Variants in TUBE1 observed in about 807,000 individuals in gnomAD.
The protein encoded by TUBE1 is tubulin epsilon 1.
In TUBE1, 34 loss-of-function variants were observed where a neutral mutation model predicts 53.5. That is an observed-to-expected ratio of 0.64 (90% CI 0.48 to 0.85). The LOEUF (loss-of-function observed/expected upper bound fraction) is 0.85. Ranked by LOEUF, TUBE1 falls within the 40% of genes least tolerant of loss-of-function variation. The pLI is 0.00. For missense variants in TUBE1, 532 were observed against 570.5 expected (o/e 0.93, Z 0.69); for synonymous variants, 177 against 198.4 (o/e 0.89, Z 0.91).
intron 5 of TUBE1, among the ~76,000 whole-genome samples, chr6:112,080,621 A>G (rs373149210): frequency 1.1e-3 from 173 of 152,222 alleles, no homozygotes; most frequent in African/African-American, 3.9e-3. Context: ...TGAATTCTTA[A>G]GTAATCACTG....
At chr6:112,084,072 T>A in intron 4 of TUBE1, 117 bp downstream of exon 4, 1 of 757,612 alleles carries the variant, frequency 1.3e-6, no homozygotes, top group Non-Finnish European at 2.2e-6. Flanking sequence ...ATATTAAATG[T>A]GGCTTAGTAA....
chr6:112,079,243 G>A (rs142385003), intron 6 of TUBE1, among the ~76,000 whole-genome samples: 1 of 151,464 alleles, frequency 6.6e-6, no homozygotes, highest in Non-Finnish European at 1.5e-5. Flanking sequence ...TCATGAGCAC[G>A]TCAAAAATGC....
At position 112,074,766 on chromosome 6, in the gene TUBE1, G is replaced by T; in HGVS notation, c.897C>A (p.Leu299=). ...TATACAGAGGTGTTAGGCTTGACAC[G>T]AGATAATGAAGTTGAGGAAAAGGAA... ...NLVPFPQLHY[L]VSSLTPLYTL... is the part of the protein sequence containing the mutation. The change falls in exon 9 of 12, where the codon CTC becomes CTA. Residue 299 remains leucine (L), a synonymous_variant. Coordinates refer to ENST00000368662, the MANE Select transcript of TUBE1 (RefSeq NM_016262.5). 6.2e-7 allele frequency: 1 copy of T among 1,608,036 alleles called. No homozygotes were observed. The highest frequency in any genetic ancestry group is 8.5e-7 in the Non-Finnish European group (1 of 1,177,256).
At chr6:112,077,100 A>G (rs1239709642) in intron 6 of TUBE1, 1 of 152,202 alleles carries the variant, frequency 6.6e-6, no homozygotes, top group Non-Finnish European at 1.5e-5. Flanking sequence ...AAAAAATTCA[A>G]CTAAGACGGT....
At chr6:112,078,698 A>G (rs1396518113) in intron 6 of TUBE1, 2 of 152,086 alleles carry the variant, frequency 1.3e-5, no homozygotes, top group African/African-American at 4.8e-5. Context: ...TTAAAAAGGT[A>G]TAACGAACTA....
chr6:112,075,050 T>A, intron 8 of TUBE1, 200 bp from the exon 9 acceptor site: 3 of 250,104 alleles, frequency 1.2e-5, no homozygotes, highest in East Asian at 6.8e-5. Context: ...ACACAACATC[T>A]ACATTTTTTT....
chr6:112,080,875 TA>T (rs1408535133), intron 5 of TUBE1, among the ~76,000 whole-genome samples: 1 of 152,140 alleles, frequency 6.6e-6, no homozygotes, highest in African/African-American at 2.4e-5. Flanking sequence ...TTTAGCAAAT[TA>T]ATTTTTCATA....
intron 10 of TUBE1, among the ~76,000 whole-genome samples, chr6:112,072,468 T>C (rs1011832601): frequency 3.9e-5 from 6 of 152,298 alleles, no homozygotes; most frequent in Admixed American, 2.6e-4. Context: ...ACTACTATAG[T>C]AGTACTGGTG....
intron 6 of TUBE1, chr6:112,078,406 G>A (rs1777009449): frequency 6.6e-6 from 1 of 151,986 alleles, no homozygotes; most frequent in African/African-American, 2.4e-5. Flanking sequence ...ATGGAAAGAT[G>A]TCTGAGAAAG....
chr6:112,078,690 A>AAAAAGGTATT (rs1332063366), intron 6 of TUBE1: 2 of 152,050 alleles, frequency 1.3e-5, no homozygotes, highest in Non-Finnish European at 2.9e-5. Context: ...GGTATTTTTT[A>AAAAAGGTATT]AAAAGGTATA....
rs587615271 is a variant in TUBE1, at chr6:112,083,903, C to G, written c.210+286G>C. The G allele has an allele frequency of 3.5e-4, 118 of 340,900 alleles. No homozygotes were observed. In the South Asian group the frequency reaches 4.7e-3, roughly 14 times the overall value. 21.1% of individuals were successfully genotyped at this position (340,900 alleles called of 1,614,324 possible). ...TCTTTAAATAAAACATTAAACTGTA[C>G]TAGTACGTATTTCAGGTCCTTAGAG... On this transcript the variant is annotated intron_variant, in intron 4 of 11. Coordinates refer to ENST00000368662, the MANE Select transcript of TUBE1 (RefSeq NM_016262.5).
intron 9 of TUBE1, 125 bp downstream of exon 9, chr6:112,074,585 T>C: frequency 1.7e-6 from 1 of 591,340 alleles, no homozygotes; most frequent in Admixed American, 4.2e-5. Flanking sequence ...AAAATGGATG[T>C]CATCAACTCT....
rs1777157881 is a variant in TUBE1, at chr6:112,086,417, TAGAATAA to T, written c.152+132_152+138del. On this transcript the variant is annotated intron_variant, in intron 3 of 11. Coordinates refer to ENST00000368662, the MANE Select transcript of TUBE1 (RefSeq NM_016262.5). The stretch of plus-strand genomic sequence containing the variant: ...TGATATAAGAATATTAATAATCTAA[TAGAATAA>T]ATATGCTTTCAATAATGAAACAAAA... 10 of 506,300 alleles carry T rather than the reference TAGAATAA, an allele frequency of 2.0e-5. No homozygotes were observed. The East Asian group carries it at 3.3e-4, about 17-fold the overall frequency. 31.4% of individuals were successfully genotyped at this position (506,300 alleles called of 1,614,324 possible).
chr6:112,080,463 A>C (rs782039236), intron 5 of TUBE1, among the ~76,000 whole-genome samples: 1 of 152,140 alleles, frequency 6.6e-6, no homozygotes, highest in Non-Finnish European at 1.5e-5. Context: ...CTCTGGGAAC[A>C]CAAGATTCAA....
At chr6:112,075,909 T>C in intron 8 of TUBE1, 28 bp downstream of exon 8, 1 of 1,531,490 alleles carries the variant, frequency 6.5e-7, no homozygotes, top group South Asian at 1.3e-5. Flanking sequence ...CACAATAAAG[T>C]TTTTTGACTA....
At chr6:112,084,680 G>A (rs1777120837) in intron 3 of TUBE1, among the ~76,000 whole-genome samples, 1 of 152,208 alleles carries the variant, frequency 6.6e-6, no homozygotes, top group Non-Finnish European at 1.5e-5. Context: ...AACATATATA[G>A]TATTAGATCT....
At chr6:112,087,179 T>C in intron 2 of TUBE1, 54 bp downstream of exon 2, 6 of 1,469,666 alleles carry the variant, frequency 4.1e-6, no homozygotes, top group Non-Finnish European at 5.6e-6. Context: ...TTCCTGCGTA[T>C]GGGCTGGAAG....
intron 6 of TUBE1, 84 bp downstream of exon 6, chr6:112,079,549 G>C: frequency 7.2e-7 from 1 of 1,392,270 alleles, no homozygotes; most frequent in Non-Finnish European, 1.0e-6. Context: ...TCAAGCACAG[G>C]TCTAAAAACA....
chr6:112,077,488 C>T (rs1776991257), intron 6 of TUBE1: 1 of 149,408 alleles, frequency 6.7e-6, no homozygotes, highest in Non-Finnish European at 1.5e-5. Flanking sequence ...TTAAATGAAA[C>T]AGTAGAAAAT....
Sources: gnomAD v4.1 joint callset for allele counts (sites outside exome capture counted in the v4.1 genomes callset) on GRCh38, gnomAD v4.1.1 for gene constraint, MANE v1.5 for transcripts, NCBI Gene and HGNC (gene_info 2026-07-23, HGNC 2026-07-21) for gene names.